Variants in ABAT observed in about 807,000 individuals in gnomAD.
The protein encoded by ABAT is 4-aminobutyrate aminotransferase, mitochondrial.
In ABAT, 45 loss-of-function variants were observed where a neutral mutation model predicts 64.6. That is an observed-to-expected ratio of 0.70 (90% CI 0.55 to 0.89). The LOEUF (loss-of-function observed/expected upper bound fraction) is 0.89, where lower values mean the gene tolerates loss of function less well. Among genes scored for constraint, ABAT ranks in the 40% least tolerant of loss-of-function variants. The pLI is 0.00. For missense variants in ABAT, 633 were observed against 658.4 expected (o/e 0.96, Z 0.42); for synonymous variants, 297 against 250.5 (o/e 1.19, Z -1.75).
chr16:8,704,817 T>C (rs571470420), intron 1 of ABAT, among the ~76,000 whole-genome samples: 5 of 152,298 alleles, frequency 3.3e-5, no homozygotes, highest in African/African-American at 1.2e-4. Context: ...ATTTACATTG[T>C]TTTCAACTGA....
At chr16:8,732,702 T>C (rs983139879) in intron 1 of ABAT, among the ~76,000 whole-genome samples, 1 of 151,118 alleles carries the variant, frequency 6.6e-6, no homozygotes, top group African/African-American at 2.5e-5. Flanking sequence ...AAAACCGCCA[T>C]TGTCATCCTG....
intron 14 of ABAT, among the ~76,000 whole-genome samples, chr16:8,778,333 T>C (rs1394353032): frequency 1.3e-5 from 2 of 152,216 alleles, no homozygotes; most frequent in African/African-American, 2.4e-5. Context: ...GGGGAGAATC[T>C]GTTCCATGCC....
intron 11 of ABAT, among the ~76,000 whole-genome samples, chr16:8,771,252 G>A (rs892600359): frequency 4.6e-5 from 7 of 150,772 alleles, no homozygotes; most frequent in African/African-American, 9.8e-5. Flanking sequence ...CTGAGATTGC[G>A]CTATTGCACT....
At chr16:8,739,928 C>G (rs555092043) in intron 2 of ABAT, among the ~76,000 whole-genome samples, 1 of 150,702 alleles carries the variant, frequency 6.6e-6, no homozygotes, top group South Asian at 2.1e-4. Flanking sequence ...TCTAGTAAGC[C>G]AGAATATGGT....
chr16:8,753,739 G>T (rs1317148843), intron 5 of ABAT, among the ~76,000 whole-genome samples: 1 of 152,182 alleles, frequency 6.6e-6, no homozygotes, highest in Non-Finnish European at 1.5e-5. Flanking sequence ...TGGGGCCAGC[G>T]TGTGTTGGAG....
chr16:8,776,372 G>C lies in ABAT; in HGVS notation c.1151G>C (p.Gly384Ala). The C allele has an allele frequency of 6.2e-7, 1 of 1,614,220 alleles. No individual in the cohort carries two copies. Among genetic ancestry groups the C allele is most frequent in the Non-Finnish European group, 8.5e-7 (1 of 1,180,044 alleles). Residue 384 changes from glycine to alanine, a missense_variant, in exon 14 of 16, where the codon GGG (glycine) becomes GCG (alanine). Physicochemically the swap from Gly to Ala is moderately conservative, Grantham distance 60. Transcript: ENST00000268251. This position sits in a 1 kb window ranked among gnomAD's most constrained non-coding sequence, Gnocchi z 4.4. ...APYRIFNTWL[G>A]DPSKNLLLAE... ...TACCGGATCTTCAACACCTGGCTGG[G>C]GGACCCGTCCAAGAACCTGTTGCTG...
At chr16:8,733,689 C>T (rs1426337263) in intron 1 of ABAT, among the ~76,000 whole-genome samples, 4 of 151,848 alleles carry the variant, frequency 2.6e-5, no homozygotes, top group East Asian at 1.9e-4. Flanking sequence ...GGCGTGGCGG[C>T]GTGAGGCTGC....
At chr16:8,676,477 A>C (rs1482080804) in intron 1 of ABAT, among the ~76,000 whole-genome samples, 2 of 152,094 alleles carry the variant, frequency 1.3e-5, no homozygotes, top group African/African-American at 2.4e-5. Context: ...AGGCTCTGCA[A>C]AGGTCATGAA....
intron 5 of ABAT, among the ~76,000 whole-genome samples, chr16:8,752,672 C>A (rs1276488608): frequency 1.3e-5 from 2 of 152,118 alleles, no homozygotes; most frequent in Non-Finnish European, 2.9e-5. Flanking sequence ...GAGGCTCAGT[C>A]AGGAGGATCT....
chr16:8,749,089 T>C (rs1189040462), intron 4 of ABAT, among the ~76,000 whole-genome samples: 1 of 150,574 alleles, frequency 6.6e-6, no homozygotes, highest in African/African-American at 2.5e-5. Context: ...CTTTTGTTCC[T>C]CTTTTTTTTT....
In ABAT at chr16:8,781,176, C is replaced by G. The variant is rs1596475454; in HGVS notation, c.1382-133C>G. The G allele has an allele frequency of 1.4e-6, 2 of 1,453,068 alleles. No homozygotes were observed. Among genetic ancestry groups the G allele is most frequent in the Non-Finnish European group, 1.9e-6 (2 of 1,046,516 alleles). 90.0% of individuals were successfully genotyped at this position (1,453,068 alleles called of 1,614,324 possible). On this transcript the variant is annotated intron_variant, in intron 15 of 15. Transcript: ENST00000268251. The surrounding 1 kb of genome is among the most constrained non-coding windows in gnomAD (Gnocchi z 4.5). ...GGTGGTAGGAAGGAAGCCCGGGCTT[C>G]CATGATGGAGGATGATGGATGGATG...
intron 2 of ABAT, chr16:8,736,726 C>G (rs2058950355): frequency 6.6e-6 from 1 of 152,130 alleles, no homozygotes; most frequent in Admixed American, 6.6e-5. Flanking sequence ...GAGGGAGGCT[C>G]AAGTGAATCC....
intron 1 of ABAT, among the ~76,000 whole-genome samples, chr16:8,733,546 A>T (rs1431456824): frequency 6.6e-6 from 1 of 151,902 alleles, no homozygotes; most frequent in African/African-American, 2.4e-5. Context: ...GGCACCATTG[A>T]GCACTGAGTG....
intron 6 of ABAT, among the ~76,000 whole-genome samples, chr16:8,763,038 G>A (rs1453480932): frequency 6.6e-6 from 1 of 150,446 alleles, no homozygotes; most frequent in African/African-American, 2.4e-5. Flanking sequence ...GAGTCTCGGA[G>A]GTTGAGGCTG....
intron 5 of ABAT, among the ~76,000 whole-genome samples, chr16:8,755,810 G>C (rs9673371): frequency 6.6e-6 from 1 of 151,836 alleles, no homozygotes; most frequent in Admixed American, 6.6e-5. Context: ...AGCACTTTGG[G>C]AGGCCGAGGT....
intron 1 of ABAT, among the ~76,000 whole-genome samples, chr16:8,733,810 GGAAAGA>G (rs905117183): frequency 6.8e-6 from 1 of 147,306 alleles, no homozygotes; most frequent in Non-Finnish European, 1.5e-5. Flanking sequence ...GGGAGACCGT[GGAAAGA>G]GAGGGAGAGG....
intron 2 of ABAT, chr16:8,737,488 T>TAAAA (rs1380572688): frequency 2.0e-5 from 3 of 149,288 alleles, no homozygotes; most frequent in African/African-American, 7.4e-5. Context: ...AAATAAAAAA[T>TAAAA]AAATAAATAA....
chr16:8,750,379 A>G, intron 4 of ABAT, 43 bp from the exon 5 acceptor site: 3 of 1,489,072 alleles, frequency 2.0e-6, no homozygotes, highest in Non-Finnish European at 2.8e-6. Flanking sequence ...CCAAGAATCT[A>G]GGGAGTGGCA....
chr16:8,757,887 G>A (rs1225799024), intron 6 of ABAT, 81 bp downstream of exon 6: 7 of 1,435,132 alleles, frequency 4.9e-6, no homozygotes, highest in Non-Finnish European at 6.9e-6. Flanking sequence ...TTTGGCAATA[G>A]TCCTTTCATT....
Sources: gnomAD v4.1 joint callset for allele counts (sites outside exome capture counted in the v4.1 genomes callset) on GRCh38, gnomAD v4.1.1 for gene constraint, Gnocchi (gnomAD v3.1) non-coding constraint, MANE v1.5 for transcripts, NCBI Gene and HGNC (gene_info 2026-07-23, HGNC 2026-07-21) for gene names.